Variants in KCTD14 observed in about 807,000 individuals in gnomAD.
The protein encoded by KCTD14 is BTB/POZ domain-containing protein KCTD14.
In KCTD14, 7 loss-of-function variants were observed where a neutral mutation model predicts 5.9. That is an observed-to-expected ratio of 1.19 (90% CI 0.68 to 2.23). The LOEUF is 2.23. Among genes scored for constraint, KCTD14 ranks in the 30% most tolerant of loss-of-function variants. The probability of loss-of-function intolerance (pLI) is 0.00; values close to 1 mark genes in which losing one functional copy is unlikely to be tolerated. For synonymous variants in KCTD14, 140 were observed against 133.1 expected (o/e 1.05, Z -0.36); for missense variants, 342 against 332.2 (o/e 1.03, Z -0.23).
chr11:78,025,110 GTGTGTGTGTATATATATATATATATATA>G (rs1466588488), upstream of KCTD14, among the ~76,000 whole-genome samples: 9 of 70,056 alleles, frequency 1.3e-4, no homozygotes, highest in African/African-American at 5.6e-4. Flanking sequence ...GTGTGTGTGT[GTGTGTGTGTATATATATATATATATATA>G]TATATATATA....
chr11:78,043,215 CAAAATACTCTCATGTGTACTATGTAGT>C (rs377685654), intron 1 of KCTD14, among the ~76,000 whole-genome samples: 139 of 152,304 alleles, frequency 9.1e-4, no homozygotes, highest in African/African-American at 3.2e-3. Flanking sequence ...TTTCTTCTAC[CAAAATACTCTCATGTGTACTATGTAGT>C]AAGATATTTG....
chr11:78,016,291 T>C lies in KCTD14; in HGVS notation c.*302A>G. 1 of 413,966 alleles carries C rather than the reference T, an allele frequency of 2.4e-6. No homozygotes were observed. The highest frequency in any genetic ancestry group is 4.4e-6 in the Non-Finnish European group (1 of 228,292). The allele number at this position is 413,966 out of a possible 1,614,324, so 25.6% of individuals were successfully genotyped here. ...TGTATGTTCCTGTTGTCATCTCACATCTCTTGCCAACGCATTGTTGAAACA... is the reference window on the plus strand; with the variant it reads ...TGTATGTTCCTGTTGTCATCTCACACCTCTTGCCAACGCATTGTTGAAACA... On this transcript the variant is annotated 3_prime_UTR_variant, in exon 2 of 2. Transcript: ENST00000353172.
chr11:78,042,879 C>A (rs550300927), intron 1 of KCTD14, among the ~76,000 whole-genome samples: 57 of 152,294 alleles, frequency 3.7e-4, no homozygotes, highest in African/African-American at 1.3e-3. Flanking sequence ...TTGGTCAGAC[C>A]CGGTGTGCCA....
chr11:78,041,185 G>A (rs1046499564), intron 1 of KCTD14, among the ~76,000 whole-genome samples: 4 of 152,188 alleles, frequency 2.6e-5, no homozygotes, highest in Non-Finnish European at 5.9e-5. Flanking sequence ...CGGCACTGGC[G>A]CAGTGGCAGC....
upstream of KCTD14, chr11:78,023,294 T>C (rs1591179641): frequency 6.3e-7 from 1 of 1,587,806 alleles, no homozygotes; most frequent in Non-Finnish European, 8.6e-7. Flanking sequence ...TGCCCGCCCC[T>C]AGGTGGGAAC....
At chr11:78,036,375 C>G (rs1004219095) in intron 2 of KCTD14, among the ~76,000 whole-genome samples, 1 of 152,220 alleles carries the variant, frequency 6.6e-6, no homozygotes, top group Non-Finnish European at 1.5e-5. Flanking sequence ...GTGCCAGACT[C>G]CATGCAGGGT....
chr11:78,030,176 T>C (rs1857576559), intron 2 of KCTD14, among the ~76,000 whole-genome samples: 1 of 151,938 alleles, frequency 6.6e-6, no homozygotes. Context: ...TTTCCCCCCC[T>C]CCAATTGCAT....
chr11:78,033,901 G>GTGTTTATATATATATATATATA, intron 2 of KCTD14, among the ~76,000 whole-genome samples: 1 of 115,590 alleles, frequency 8.7e-6, no homozygotes, highest in African/African-American at 3.5e-5. Flanking sequence ...GTGTGTGTGT[G>GTGTTTATATATATATATATATA]TATATATATA....
rs746149852 is a variant in KCTD14, at chr11:78,016,851, C to T, written c.510G>A (p.Val170=). The T allele has an allele frequency of 3.1e-6, 5 of 1,614,218 alleles. No homozygotes were observed. The South Asian group carries it at 5.5e-5, about 18-fold the overall frequency. Residue 170 remains valine (V), a synonymous_variant, in exon 2 of 2, where the codon GTG becomes GTA. Transcript: ENST00000353172. ...CCTGCTCCTCAGTTTCCACCAGGCA[C>T]ACAAGCACGCTGGACTTCCGTGCTG... ...AITARKSSVL[V]CLVETEEQDA... is the part of the protein sequence containing the mutation.
chr11:78,034,697 G>T (rs889163584), intron 2 of KCTD14, among the ~76,000 whole-genome samples: 1 of 151,988 alleles, frequency 6.6e-6, no homozygotes, highest in African/African-American at 2.4e-5. Flanking sequence ...GACAGCCCAC[G>T]TGTTTTCAAG....
chr11:78,037,728 A>T (rs1857851943), intron 2 of KCTD14, among the ~76,000 whole-genome samples: 1 of 152,130 alleles, frequency 6.6e-6, no homozygotes, highest in Admixed American at 6.5e-5. Flanking sequence ...CTGAGGCACG[A>T]CAATCGCTTG....
At chr11:78,023,458 G>A, upstream of KCTD14, 1 of 572,264 alleles carries the variant, frequency 1.7e-6, no homozygotes, top group South Asian at 2.0e-5. Flanking sequence ...AAATGGAGCA[G>A]ACCCCTTAAG....
intron 2 of KCTD14, among the ~76,000 whole-genome samples, chr11:78,028,602 C>CA (rs56160318): frequency 2.5e-3 from 265 of 105,984 alleles, no homozygotes; most frequent in South Asian, 6.8e-3. Flanking sequence ...GTGTCCATCT[C>CA]AAAAAAAAAA....
At chr11:78,038,497 C>T (rs1460898598) in intron 2 of KCTD14, among the ~76,000 whole-genome samples, 1 of 152,226 alleles carries the variant, frequency 6.6e-6, no homozygotes, top group African/African-American at 2.4e-5. Context: ...CCAACTTGTC[C>T]TCCTTGGGTT....
At chr11:78,027,742 G>C (rs1045499742), upstream of KCTD14, among the ~76,000 whole-genome samples, 1 of 152,102 alleles carries the variant, frequency 6.6e-6, no homozygotes, top group Non-Finnish European at 1.5e-5. Context: ...CTAAAGACCT[G>C]AGATCAATAG....
intron 2 of KCTD14, among the ~76,000 whole-genome samples, chr11:78,032,059 A>G (rs1304362938): frequency 2.0e-5 from 3 of 152,190 alleles, no homozygotes; most frequent in African/African-American, 7.2e-5. Flanking sequence ...TGGGAGCCTC[A>G]TATTCTTCAG....
chr11:78,043,360 G>A (rs1315880493), intron 1 of KCTD14, among the ~76,000 whole-genome samples: 10 of 152,118 alleles, frequency 6.6e-5, no homozygotes, highest in African/African-American at 1.4e-4. Flanking sequence ...AACTGTCATC[G>A]CTAAAAAAGA....
intron 2 of KCTD14, among the ~76,000 whole-genome samples, chr11:78,038,182 C>T (rs10899433): frequency 0.37 from 56,785 of 151,886 alleles, 11,036 homozygotes; most frequent in South Asian, 0.42. Context: ...AACGAAGTAG[C>T]CAACATGGGC....
intron 2 of KCTD14, among the ~76,000 whole-genome samples, chr11:78,035,729 CAACTACTTGGTAG>C (rs1382368340): frequency 6.6e-6 from 1 of 150,732 alleles, no homozygotes; most frequent in Non-Finnish European, 1.5e-5. Context: ...CCTGTAATCC[CAACTACTTGGTAG>C]GCTGAGGCAG....
Sources: gnomAD v4.1 joint callset for allele counts (sites outside exome capture counted in the v4.1 genomes callset) on GRCh38, gnomAD v4.1.1 for gene constraint, MANE v1.5 for transcripts, NCBI Gene and HGNC (gene_info 2026-07-23, HGNC 2026-07-21) for gene names.